Variants in RALYL observed in about 807,000 individuals in gnomAD.
RALYL encodes RALY RNA binding protein like.
Under a neutral mutation model 35.1 loss-of-function variants are expected in RALYL, and 29 were observed. The observed-to-expected ratio is 0.83, with a 90% CI of 0.61 to 1.13. RALYL has a LOEUF of 1.13. Among genes scored for constraint, RALYL ranks in the 50% most tolerant of loss-of-function variants. The pLI is 0.00. For missense variants in RALYL, 359 were observed against 360.4 expected, an observed-to-expected ratio of 1.00 and a Z score of 0.03; for synonymous variants, 120 against 127.6, an observed-to-expected ratio of 0.94 and a Z score of 0.40.
intron 2 of RALYL, among the ~76,000 whole-genome samples, chr8:84,629,904 A>C (rs1823561524): frequency 1.3e-5 from 2 of 152,072 alleles, no homozygotes; most frequent in African/African-American, 2.4e-5. Context: ...ATAAATGACT[A>C]TGCTGACATC....
chr8:84,541,601 A>G (rs546098538), intron 2 of RALYL, among the ~76,000 whole-genome samples: 151 of 152,130 alleles, frequency 9.9e-4, no homozygotes, highest in African/African-American at 3.2e-3. Flanking sequence ...CGCTAACTGA[A>G]TTACTCTGAC....
intron 1 of RALYL, among the ~76,000 whole-genome samples, chr8:84,261,687 A>T (rs2131819479): frequency 6.6e-6 from 1 of 152,256 alleles, no homozygotes; most frequent in Non-Finnish European, 1.5e-5. Context: ...TATGGCTTTC[A>T]ATATGAATCC....
chr8:84,545,186 C>T (rs2060275358), intron 2 of RALYL, among the ~76,000 whole-genome samples: 1 of 151,888 alleles, frequency 6.6e-6, no homozygotes, highest in South Asian at 2.1e-4. Flanking sequence ...TTTTATAATC[C>T]ATCTTTTCCT....
intron 1 of RALYL, among the ~76,000 whole-genome samples, chr8:84,376,102 C>T (rs937535314): frequency 4.0e-5 from 6 of 151,842 alleles, no homozygotes; most frequent in Middle Eastern, 3.2e-3. Context: ...AAAGGTGACA[C>T]ACCAAAGACC....
intron 2 of RALYL, among the ~76,000 whole-genome samples, chr8:84,729,735 A>T (rs1294707129): frequency 6.6e-6 from 1 of 152,028 alleles, no homozygotes; most frequent in Non-Finnish European, 1.5e-5. Context: ...ACAAACTACC[A>T]TCAGAGAATA....
intron 1 of RALYL, among the ~76,000 whole-genome samples, chr8:84,453,116 C>T (rs923617471): frequency 3.1e-4 from 47 of 151,956 alleles, no homozygotes; most frequent in African/African-American, 9.9e-4. Context: ...TATGTTATTT[C>T]GTTTGAGCAA....
intron 4 of RALYL, among the ~76,000 whole-genome samples, chr8:84,816,019 A>G (rs1827186158): frequency 7.6e-6 from 1 of 132,232 alleles, no homozygotes; most frequent in African/African-American, 2.9e-5. Context: ...GGCAACAGAG[A>G]GAGACTCTGT....
At chr8:84,897,525 CT>C (rs1256552791) in intron 8 of RALYL, among the ~76,000 whole-genome samples, 5 of 151,690 alleles carry the variant, frequency 3.3e-5, no homozygotes, top group Non-Finnish European at 5.9e-5. Flanking sequence ...TTATGGCTTT[CT>C]TTTTTTTAAT....
intron 1 of RALYL, among the ~76,000 whole-genome samples, chr8:84,428,102 TCTCTCACACACACACACA>T (rs1204412981): frequency 7.6e-6 from 1 of 131,162 alleles, no homozygotes; most frequent in African/African-American, 3.2e-5. Context: ...TCTCTCTCTC[TCTCTCACACACACACACA>T]CACACACACA....
intron 1 of RALYL, among the ~76,000 whole-genome samples, chr8:84,418,418 A>G (rs1245108068): frequency 6.6e-6 from 1 of 152,182 alleles, no homozygotes; most frequent in Non-Finnish European, 1.5e-5. Context: ...GTCTATGACA[A>G]TTTAATTAGC....
chr8:84,604,305 G>T (rs528129543), intron 2 of RALYL, among the ~76,000 whole-genome samples: 2 of 152,210 alleles, frequency 1.3e-5, no homozygotes, highest in African/African-American at 4.8e-5. Context: ...GTCTATACAA[G>T]AAAGACCTCG....
intron 2 of RALYL, among the ~76,000 whole-genome samples, chr8:84,688,250 C>T (rs1430279401): frequency 6.6e-6 from 1 of 151,680 alleles, no homozygotes; most frequent in East Asian, 1.9e-4. Flanking sequence ...CCTTGGAATT[C>T]CATAATCTAG....
At chr8:84,598,244 C>T (rs1815061610) in intron 2 of RALYL, among the ~76,000 whole-genome samples, 1 of 152,160 alleles carries the variant, frequency 6.6e-6, no homozygotes, top group Admixed American at 6.5e-5. Context: ...ATAACTCTCA[C>T]TGCAGCCTTG....
At chr8:84,469,787 C>G (rs555540394) in intron 1 of RALYL, among the ~76,000 whole-genome samples, 1 of 152,030 alleles carries the variant, frequency 6.6e-6, no homozygotes, top group East Asian at 1.9e-4. Context: ...TAGCAATCAG[C>G]GAGACTCCGT....
intron 1 of RALYL, among the ~76,000 whole-genome samples, chr8:84,526,315 G>A (rs1266398579): frequency 6.6e-6 from 1 of 152,062 alleles, no homozygotes; most frequent in Non-Finnish European, 1.5e-5. Context: ...GTTGTTTCTG[G>A]TTTAGTTGGA....
At chr8:84,766,123 G>A (rs1813888990) in intron 2 of RALYL, among the ~76,000 whole-genome samples, 1 of 152,102 alleles carries the variant, frequency 6.6e-6, no homozygotes, top group African/African-American at 2.4e-5. Flanking sequence ...GGTACTCCAA[G>A]TTGAATCCAT....
chr8:84,387,808 T>C (rs891095650), intron 1 of RALYL, among the ~76,000 whole-genome samples: 15 of 151,334 alleles, frequency 9.9e-5, no homozygotes, highest in African/African-American at 7.2e-5. Context: ...TCTTTCTTTT[T>C]TTTTTTTTTT....
intron 2 of RALYL, among the ~76,000 whole-genome samples, chr8:84,619,113 C>G (rs1489498289): frequency 6.6e-6 from 1 of 150,802 alleles, no homozygotes; most frequent in Non-Finnish European, 1.5e-5. Flanking sequence ...ATTAGGTCCA[C>G]TTGGTGCAGA....
chr8:84,337,276 A>C (rs1385926656), intron 1 of RALYL, among the ~76,000 whole-genome samples: 2 of 151,796 alleles, frequency 1.3e-5, no homozygotes, highest in Admixed American at 1.3e-4. Flanking sequence ...TCACTATAGA[A>C]ATGAGGCTAA....
Sources: gnomAD v4.1 joint callset for allele counts (sites outside exome capture counted in the v4.1 genomes callset) on GRCh38, gnomAD v4.1.1 for gene constraint, MANE v1.5 for transcripts, NCBI Gene and HGNC (gene_info 2026-07-23, HGNC 2026-07-21) for gene names.